Variants in OSMR observed in about 807,000 individuals in gnomAD.
OSMR encodes the protein oncostatin M receptor, also known as oncostatin-M-specific receptor subunit beta.
In OSMR, 81 loss-of-function variants were observed where a neutral mutation model predicts 99.9. That is an observed-to-expected ratio of 0.81 (90% CI 0.68 to 0.97). OSMR has a LOEUF of 0.97. OSMR is among the 50% of genes least tolerant of loss of function. The pLI, the probability that OSMR is intolerant of heterozygous loss-of-function variation, is 0.00. For missense variants in OSMR, 1,099 were observed against 1,153.4 expected (o/e 0.95, Z 0.68); for synonymous variants, 406 against 410.4 (o/e 0.99, Z 0.13).
chr5:38,932,704 G>T (rs1746813726), intron 17 of OSMR, 168 bp from the exon 18 acceptor site: 1 of 985,226 alleles, frequency 1.0e-6, no homozygotes, highest in African/African-American at 1.7e-5. Flanking sequence ...GATTTCTTCT[G>T]TCAGGGGAAA....
At chr5:38,943,756 T>G (rs906489110) in intron 1 of OSMR, among the ~76,000 whole-genome samples, 1 of 152,068 alleles carries the variant, frequency 6.6e-6, no homozygotes, top group African/African-American at 2.4e-5. Context: ...GAGGTTGCAG[T>G]GAGCCGAGAT....
intron 4 of OSMR, among the ~76,000 whole-genome samples, chr5:38,883,156 A>C (rs1349962960): frequency 2.0e-5 from 3 of 152,256 alleles, no homozygotes; most frequent in African/African-American, 7.2e-5. Context: ...TCTACTAAAA[A>C]TACAAAAAAT....
chr5:38,924,017 T>A (rs897419852), intron 13 of OSMR, among the ~76,000 whole-genome samples: 1 of 152,190 alleles, frequency 6.6e-6, no homozygotes, highest in Non-Finnish European at 1.5e-5. Flanking sequence ...TGAACATAAT[T>A]CTTCCACTTC....
intron 5 of OSMR, among the ~76,000 whole-genome samples, chr5:38,884,430 G>T (rs558807073): frequency 6.6e-6 from 1 of 152,290 alleles, no homozygotes; most frequent in African/African-American, 2.4e-5. Flanking sequence ...GGATCATGGA[G>T]GGAGGGTAGG....
chr5:38,872,657 T>A (rs1401888608), intron 2 of OSMR, among the ~76,000 whole-genome samples: 1 of 48,718 alleles, frequency 2.1e-5, no homozygotes, highest in African/African-American at 4.1e-5. Flanking sequence ...CTGAAGAACA[T>A]TTACAAAATA....
chr5:38,901,085 G>A (rs566799582), intron 7 of OSMR, among the ~76,000 whole-genome samples: 2 of 152,324 alleles, frequency 1.3e-5, no homozygotes, highest in East Asian at 3.9e-4. Context: ...GCAAGATATG[G>A]TGAGTAAGGC....
intron 9 of OSMR, 109 bp downstream of exon 9, chr5:38,904,612 A>C (rs1745112890): frequency 7.5e-7 from 1 of 1,339,066 alleles, no homozygotes; most frequent in Non-Finnish European, 1.1e-6. Context: ...ATATTTAAAC[A>C]GAGGCGGGGT....
rs530618945 is a variant in OSMR, at chr5:38,870,727, C to T, written c.73+1610C>T. ...AAGTGGGCACTTTTAAAGCAGGGGG[C>T]CTATGCAGTGGCAGAAGTGAGCAGG... On this transcript the variant is annotated intron_variant, in intron 2 of 17. Transcript: ENST00000274276. Among the ~76,000 whole-genome samples, 24 of 152,266 alleles carry T rather than the reference C, an allele frequency of 1.6e-4. 1 individual carries two copies. The South Asian group carries it at 5.0e-3, about 32-fold the overall frequency.
At chr5:38,914,997 AGAGAGT>A (rs1309752038) in intron 9 of OSMR, among the ~76,000 whole-genome samples, 1 of 152,238 alleles carries the variant, frequency 6.6e-6, no homozygotes, top group African/African-American at 2.4e-5. Context: ...AATTATAAAA[AGAGAGT>A]TTCTAGGAAG....
intron 1 of OSMR, among the ~76,000 whole-genome samples, chr5:38,868,495 C>T (rs971993205): frequency 2.0e-5 from 3 of 152,130 alleles, no homozygotes; most frequent in Non-Finnish European, 4.4e-5. Flanking sequence ...GTGCTATTCT[C>T]GTGATAGTTA....
intron 9 of OSMR, among the ~76,000 whole-genome samples, chr5:38,908,619 G>C (rs974933860): frequency 9.2e-5 from 14 of 152,208 alleles, no homozygotes; most frequent in Non-Finnish European, 1.6e-4. Context: ...CAGTCCTGCA[G>C]AGTTAGAGCA....
chr5:38,923,020 C>A (rs1376179776), intron 12 of OSMR, 130 bp from the exon 13 acceptor site: 2 of 1,037,470 alleles, frequency 1.9e-6, no homozygotes, highest in East Asian at 5.4e-5. Context: ...AAGTGATCCG[C>A]CTGCCTCGGC....
At chr5:38,889,060 C>T (rs1377103896) in intron 7 of OSMR, among the ~76,000 whole-genome samples, 2 of 151,740 alleles carry the variant, frequency 1.3e-5, no homozygotes, top group Admixed American at 1.3e-4. Context: ...TATTTTTTTC[C>T]CCATTAGAAG....
At chr5:38,941,522 T>C in intron 1 of OSMR, 1 of 231,364 alleles carries the variant, frequency 4.3e-6, no homozygotes, top group Non-Finnish European at 8.6e-6. Flanking sequence ...ATTGCAAATA[T>C]ATGCATTCTA....
At chr5:38,894,134 A>G (rs1579726944) in intron 7 of OSMR, among the ~76,000 whole-genome samples, 1 of 152,222 alleles carries the variant, frequency 6.6e-6, no homozygotes, top group African/African-American at 2.4e-5. Flanking sequence ...TTGCTAAGGG[A>G]ATTTGTTACC....
intron 1 of OSMR, among the ~76,000 whole-genome samples, chr5:38,848,480 A>C (rs1740066497): frequency 6.6e-6 from 1 of 152,164 alleles, no homozygotes; most frequent in Non-Finnish European, 1.5e-5. Context: ...TTGTGTTTTA[A>C]AAATAATACA....
intron 9 of OSMR, among the ~76,000 whole-genome samples, chr5:38,916,863 A>G (rs1745926991): frequency 2.0e-5 from 3 of 152,164 alleles, no homozygotes; most frequent in African/African-American, 7.2e-5. Context: ...GGCAGATGCT[A>G]GAGTTTCAAA....
chr5:38,871,675 A>G (rs1299474673), intron 2 of OSMR, among the ~76,000 whole-genome samples: 1 of 152,250 alleles, frequency 6.6e-6, no homozygotes, highest in Non-Finnish European at 1.5e-5. Context: ...TCTGTTGTGT[A>G]TATGTACATA....
chr5:38,881,637 G>A lies in OSMR; in HGVS notation c.291G>A (p.Trp97Ter), dbSNP rs1743292571. Residue 97 changes from tryptophan to a stop codon, truncating the protein, a stop_gained, in exon 4 of 18, where the codon TGG becomes TGA. Transcript: ENST00000274276. LOFTEE classifies it high-confidence loss of function. Reference sequence around the variant, plus strand: ...TGAAGTGGAACCAGGTTCTGCATTGGAGCTGGGAATCTGAGCTCCCTTTGG... The same window carrying A: ...TGAAGTGGAACCAGGTTCTGCATTGAAGCTGGGAATCTGAGCTCCCTTTGG... The part of the protein sequence containing the change: ...TTVKWNQVLH[W>*]SWESELPLEC... 6.2e-7 allele frequency: 1 copy of A among 1,614,112 alleles called. No homozygotes were observed. The highest frequency in any genetic ancestry group is 8.5e-7 in the Non-Finnish European group (1 of 1,179,968).
Sources: allele counts gnomAD v4.1 joint callset (sites outside exome capture counted in the v4.1 genomes callset), GRCh38; gene constraint gnomAD v4.1.1; transcripts MANE v1.5; gene names NCBI Gene and HGNC (gene_info 2026-07-23, HGNC 2026-07-21).